CLSTN2: variants seen among roughly 807,000 people sequenced by gnomAD.
CLSTN2 encodes calsyntenin 2.
A neutral mutation model predicts 101.2 loss-of-function variants in CLSTN2; 48 were observed. That is an observed-to-expected ratio of 0.47 (90% CI 0.38 to 0.60). The LOEUF is 0.60. CLSTN2 is among the 20% of genes least tolerant of loss of function. The pLI, the probability that CLSTN2 is intolerant of heterozygous loss-of-function variation, is 0.00. For missense variants in CLSTN2, 1,160 were observed against 1,238.2 expected, an observed-to-expected ratio of 0.94 and a Z score of 0.95; for synonymous variants, 481 against 463.6, an observed-to-expected ratio of 1.04 and a Z score of -0.48.
intron 2 of CLSTN2, among the ~76,000 whole-genome samples, chr3:140,205,016 AG>A (rs2010762366): frequency 6.6e-6 from 1 of 152,030 alleles, no homozygotes; most frequent in Middle Eastern, 3.4e-3. Context: ...GGGTGAGGGG[AG>A]GTGGGTCAGA....
intron 1 of CLSTN2, among the ~76,000 whole-genome samples, chr3:139,945,922 A>C (rs1172257801): frequency 6.6e-6 from 1 of 152,246 alleles, no homozygotes; most frequent in Non-Finnish European, 1.5e-5. Flanking sequence ...ATCACTCTCT[A>C]AAAGCATATA....
chr3:140,509,699 C>A (rs1934770541), intron 8 of CLSTN2, among the ~76,000 whole-genome samples: 1 of 152,182 alleles, frequency 6.6e-6, no homozygotes, highest in South Asian at 2.1e-4. Flanking sequence ...CAGGCTCCTG[C>A]AGGAGACAGC....
intron 2 of CLSTN2, among the ~76,000 whole-genome samples, chr3:140,228,771 G>A (rs2086346046): frequency 6.6e-6 from 1 of 152,172 alleles, no homozygotes; most frequent in South Asian, 2.1e-4. Context: ...GAGAGAGTTT[G>A]TGCAGGGGAA....
chr3:140,332,520 T>C (rs577773414), intron 2 of CLSTN2, among the ~76,000 whole-genome samples: 1 of 152,312 alleles, frequency 6.6e-6, no homozygotes, highest in Admixed American at 6.5e-5. Flanking sequence ...TATGGATTGC[T>C]ATTTGTTTTA....
intron 1 of CLSTN2, among the ~76,000 whole-genome samples, chr3:140,081,194 G>T (rs915165423): frequency 3.3e-5 from 5 of 152,144 alleles, no homozygotes; most frequent in East Asian, 3.9e-4. Context: ...AACAATAGTG[G>T]AATTTTTCAA....
intron 2 of CLSTN2, among the ~76,000 whole-genome samples, chr3:140,382,949 G>C (rs2088002911): frequency 6.6e-6 from 1 of 151,658 alleles, no homozygotes; most frequent in African/African-American, 2.4e-5. Flanking sequence ...TGAATTGGGT[G>C]GGGGTGGGGG....
intron 1 of CLSTN2, among the ~76,000 whole-genome samples, chr3:139,951,049 G>T (rs1576373953): frequency 6.6e-6 from 1 of 152,256 alleles, no homozygotes; most frequent in Non-Finnish European, 1.5e-5. Context: ...TGTATTCCTG[G>T]AAAGCTCAGG....
At chr3:140,294,975 A>C (rs2086989442) in intron 2 of CLSTN2, among the ~76,000 whole-genome samples, 1 of 151,904 alleles carries the variant, frequency 6.6e-6, no homozygotes, top group Non-Finnish European at 1.5e-5. Context: ...TGACCTAATT[A>C]CCTCCAGAAG....
At chr3:140,245,770 C>T (rs1652371023) in intron 2 of CLSTN2, among the ~76,000 whole-genome samples, 1 of 152,158 alleles carries the variant, frequency 6.6e-6, no homozygotes, top group Non-Finnish European at 1.5e-5. Flanking sequence ...GGGACAGTGC[C>T]CTGCTCTGAT....
chr3:140,064,902 A>T (rs374992521), intron 1 of CLSTN2, among the ~76,000 whole-genome samples: 14 of 152,338 alleles, frequency 9.2e-5, no homozygotes, highest in African/African-American at 3.4e-4. Context: ...TGACAAAGGG[A>T]ATATCACCAT....
At chr3:139,961,377 A>C (rs114977480) in intron 1 of CLSTN2, among the ~76,000 whole-genome samples, 1 of 152,134 alleles carries the variant, frequency 6.6e-6, no homozygotes, top group African/African-American at 2.4e-5. Flanking sequence ...TTTCCTAGGT[A>C]TTGTGGCAAG....
intron 1 of CLSTN2, among the ~76,000 whole-genome samples, chr3:139,983,321 G>A (rs1426037): frequency 0.66 from 101,035 of 152,034 alleles, 35,476 homozygotes; most frequent in Non-Finnish European, 0.79. Context: ...ATCTGATTTA[G>A]TATAATCTAA....
chr3:140,461,247 A>T (rs562504761), intron 7 of CLSTN2: 1 of 152,290 alleles, frequency 6.6e-6, no homozygotes, highest in East Asian at 1.9e-4. Flanking sequence ...AGTCAGTGCC[A>T]AGGACAGGTT....
At chr3:140,145,061 A>G (rs1322339072) in intron 1 of CLSTN2, among the ~76,000 whole-genome samples, 1 of 152,238 alleles carries the variant, frequency 6.6e-6, no homozygotes, top group African/African-American at 2.4e-5. Context: ...TTAACGGATT[A>G]TTCCCCATAC....
intron 4 of CLSTN2, among the ~76,000 whole-genome samples, chr3:140,416,790 C>T (rs777391163): frequency 1.6e-4 from 25 of 152,232 alleles, no homozygotes; most frequent in Non-Finnish European, 3.4e-4. Context: ...AGGCTCTCAA[C>T]GACACCCAGT....
chr3:140,060,973 G>T (rs762504130), intron 1 of CLSTN2, among the ~76,000 whole-genome samples: 1 of 152,136 alleles, frequency 6.6e-6, no homozygotes, highest in Non-Finnish European at 1.5e-5. Flanking sequence ...AGGAGTTAAC[G>T]ATCAGGACCA....
intron 1 of CLSTN2, among the ~76,000 whole-genome samples, chr3:140,083,424 T>C (rs1289080345): frequency 1.3e-5 from 2 of 152,198 alleles, no homozygotes; most frequent in African/African-American, 2.4e-5. Context: ...GGCTGGCTAG[T>C]TGGATGAATG....
intron 1 of CLSTN2, among the ~76,000 whole-genome samples, chr3:139,979,512 CA>C (rs1560060341): frequency 2.0e-5 from 3 of 152,146 alleles, no homozygotes; most frequent in Non-Finnish European, 2.9e-5. Context: ...TGCTCGCCTA[CA>C]TGTCTCAGGC....
At chr3:140,176,960 G>A (rs9876646) in intron 2 of CLSTN2, among the ~76,000 whole-genome samples, 34,836 of 152,192 alleles carry the variant, frequency 0.23, 4,228 homozygotes, top group Non-Finnish European at 0.26. Context: ...TACATTATGA[G>A]CTGCTTGGGC....
Sources: allele counts gnomAD v4.1 joint callset (sites outside exome capture counted in the v4.1 genomes callset), GRCh38; gene constraint gnomAD v4.1.1; transcripts MANE v1.5; gene names NCBI Gene and HGNC (gene_info 2026-07-23, HGNC 2026-07-21).